The following SPATA6 variants were observed in gnomAD, a reference collection of about 807,000 sequenced individuals.
SPATA6 encodes spermatogenesis-associated protein 6.
Under a neutral mutation model 65.3 loss-of-function variants are expected in SPATA6, and 56 were observed. That is an observed-to-expected ratio of 0.86 (90% CI 0.69 to 1.07). The LOEUF is 1.07. Ranked by LOEUF, SPATA6 falls within the 50% of genes least tolerant of loss-of-function variation. The pLI is 0.00. For synonymous variants in SPATA6, 199 were observed against 213.2 expected (o/e 0.93, Z 0.58); for missense variants, 590 against 594.8 (o/e 0.99, Z 0.08).
At position 48,332,819 on chromosome 1, in the gene SPATA6, A is replaced by G. The variant is rs994717410; in HGVS notation, c.1194+22851T>C. Among the ~76,000 whole-genome samples, 5 of 152,188 alleles carry G rather than the reference A, an allele frequency of 3.3e-5. No homozygotes were observed. In the East Asian group the frequency reaches 7.7e-4, roughly 23 times the overall value. On this transcript the variant is annotated intron_variant, in intron 11 of 12. Coordinates refer to ENST00000371847, the MANE Select transcript of SPATA6 (RefSeq NM_019073.4). ...TACACACTGTAAGATCAGCCATGCA[A>G]TAAGACATAAGACAATCTTCAACAA...
At chr1:48,469,628 G>A (rs74641816) in intron 1 of SPATA6, among the ~76,000 whole-genome samples, 6,673 of 152,044 alleles carry the variant, frequency 0.044, 484 homozygotes, top group African/African-American at 0.15. Context: ...AGTATATCAT[G>A]TTATAGTCTT....
chr1:48,445,535 C>CT (rs912307874), intron 3 of SPATA6, among the ~76,000 whole-genome samples: 1 of 151,912 alleles, frequency 6.6e-6, no homozygotes, highest in African/African-American at 2.4e-5. Flanking sequence ...TGGCAGGCGC[C>CT]TGTAGTCCCA....
rs866646913 is a variant in SPATA6 at position 48,384,115 on chromosome 1, C to T, written c.909+1194G>A. Among the ~76,000 whole-genome samples, 1,023 of 150,668 alleles carry T rather than the reference C, an allele frequency of 6.8e-3. 39 individuals carry two copies. Among genetic ancestry groups the T allele is most frequent in the African/African-American group, 0.024 (981 of 40,518 alleles). On this transcript the variant is annotated intron_variant, in intron 9 of 12. Coordinates refer to ENST00000371847, the MANE Select transcript of SPATA6 (RefSeq NM_019073.4). Reference sequence around the variant, plus strand: ...TCGGGAGGCCGAGGCTGGCGGATCACTCGTGGCTAGGAGCTGGAGACCAGC... The same window carrying T: ...TCGGGAGGCCGAGGCTGGCGGATCATTCGTGGCTAGGAGCTGGAGACCAGC...
the SPATA6 span, among the ~76,000 whole-genome samples, chr1:48,267,764 T>TTTTG: frequency 7.4e-6 from 1 of 134,684 alleles, no homozygotes; most frequent in Non-Finnish European, 1.6e-5. Flanking sequence ...TTTTTTTTTT[T>TTTTG]TTTTTTTTTT....
the SPATA6 span, among the ~76,000 whole-genome samples, chr1:48,265,009 A>G: frequency 6.6e-6 from 1 of 152,256 alleles, no homozygotes; most frequent in African/African-American, 2.4e-5. Context: ...GCCTCCATGC[A>G]AGCTCTAATG....
chr1:48,318,944 A>G (rs1645519019), intron 11 of SPATA6, among the ~76,000 whole-genome samples: 1 of 152,330 alleles, frequency 6.6e-6, no homozygotes, highest in East Asian at 1.9e-4. Flanking sequence ...AACAGAATTA[A>G]GAATCCAGAA....
intron 3 of SPATA6, among the ~76,000 whole-genome samples, chr1:48,418,144 T>C (rs1007289332): frequency 6.6e-6 from 1 of 152,238 alleles, no homozygotes; most frequent in African/African-American, 2.4e-5. Flanking sequence ...TCTTAGTTAT[T>C]ATCATAGATC....
chr1:48,468,678 A>C (rs1439865658), intron 1 of SPATA6, among the ~76,000 whole-genome samples: 2 of 152,066 alleles, frequency 1.3e-5, no homozygotes, highest in Non-Finnish European at 2.9e-5. Flanking sequence ...ATTGACCAAA[A>C]CCAACTGAGG....
At chr1:48,314,143 G>A (rs1645324231) in intron 11 of SPATA6, among the ~76,000 whole-genome samples, 2 of 152,178 alleles carry the variant, frequency 1.3e-5, no homozygotes, top group East Asian at 3.9e-4. Context: ...GAGACACAAA[G>A]TTAACAAGGA....
At chr1:48,409,675 C>T (rs1652033971) in intron 5 of SPATA6, among the ~76,000 whole-genome samples, 1 of 152,236 alleles carries the variant, frequency 6.6e-6, no homozygotes, top group South Asian at 2.1e-4. Context: ...GGCAGAAGTT[C>T]CCAAACCTCA....
Position 48,295,476 on chromosome 1 carries a change from G to A in SPATA6, c.*3237C>T, listed in dbSNP as rs1319525593. ...CAAAATATTTTGCTAAGTGAAAGAA[G>A]CCACATACAATAGGTCACATGTTGT... On this transcript the variant is annotated 3_prime_UTR_variant, in exon 13 of 13. Transcript: ENST00000371847. The A allele has an allele frequency of 6.6e-6, 1 of 152,188 alleles. No individual in the cohort carries two copies. The highest frequency in any genetic ancestry group is 6.5e-5 in the Admixed American group (1 of 15,270). The allele number at this position is 152,188 out of a possible 1,614,324, so 9.4% of individuals were successfully genotyped here.
the SPATA6 span, among the ~76,000 whole-genome samples, chr1:48,273,562 A>T: frequency 6.6e-6 from 1 of 151,676 alleles, no homozygotes; most frequent in African/African-American, 2.4e-5. Flanking sequence ...TCATTGTTCA[A>T]CTCCCACATA....
At chr1:48,318,971 A>G (rs774903572) in intron 11 of SPATA6, among the ~76,000 whole-genome samples, 10 of 152,218 alleles carry the variant, frequency 6.6e-5, no homozygotes, top group Non-Finnish European at 1.2e-4. Flanking sequence ...CCATACATTT[A>G]TAGTCAACTG....
intron 1 of SPATA6, among the ~76,000 whole-genome samples, chr1:48,464,926 A>G (rs1466080320): frequency 6.6e-6 from 1 of 152,194 alleles, no homozygotes; most frequent in African/African-American, 2.4e-5. Flanking sequence ...CGCAATAAAT[A>G]TATACAAGTT....
intron 1 of SPATA6, among the ~76,000 whole-genome samples, chr1:48,466,055 AAAG>A (rs1311722035): frequency 2.0e-5 from 3 of 152,140 alleles, no homozygotes; most frequent in Non-Finnish European, 4.4e-5. Context: ...GTGACAAACA[AAAG>A]TAGTCTAGTC....
At chr1:48,293,461 T>C (rs1644781412), downstream of SPATA6, among the ~76,000 whole-genome samples, 1 of 152,112 alleles carries the variant, frequency 6.6e-6, no homozygotes, top group Non-Finnish European at 1.5e-5. Context: ...GCTATTTCCA[T>C]TCCTGGATGT....
At chr1:48,450,029 A>T (rs1164578154) in intron 3 of SPATA6, among the ~76,000 whole-genome samples, 3 of 149,432 alleles carry the variant, frequency 2.0e-5, no homozygotes, top group South Asian at 2.1e-4. Flanking sequence ...AAACTCGCTC[A>T]TTTTTTTTTT....
intron 3 of SPATA6, among the ~76,000 whole-genome samples, chr1:48,428,630 T>C (rs1654066445): frequency 6.6e-6 from 1 of 152,124 alleles, no homozygotes; most frequent in African/African-American, 2.4e-5. Context: ...AAGTTCTTCA[T>C]CCTTGTCTTC....
At chr1:48,335,348 G>GA (rs1646030635) in intron 11 of SPATA6, among the ~76,000 whole-genome samples, 1 of 140,258 alleles carries the variant, frequency 7.1e-6, no homozygotes, top group Non-Finnish European at 1.6e-5. Context: ...AAAAAAAAAA[G>GA]AAAAAAAAGC....
Sources: gnomAD v4.1 joint callset for allele counts (sites outside exome capture counted in the v4.1 genomes callset) on GRCh38, gnomAD v4.1.1 for gene constraint, MANE v1.5 for transcripts, NCBI Gene and HGNC (gene_info 2026-07-23, HGNC 2026-07-21) for gene names.